Variants in FBXL17 observed in about 807,000 individuals in gnomAD.
FBXL17 encodes the protein F-box and leucine rich repeat protein 17.
In FBXL17, 22 loss-of-function variants were observed where a neutral mutation model predicts 66.2. The observed-to-expected ratio is 0.33, with a 90% CI of 0.24 to 0.47. FBXL17 has a LOEUF of 0.47. Ranked by LOEUF, FBXL17 falls within the 20% of genes least tolerant of loss-of-function variation. The pLI is 1.00. For synonymous variants in FBXL17, 474 were observed against 400.5 expected (o/e 1.18, Z -2.19); for missense variants, 878 against 948.2 (o/e 0.93, Z 0.97).
chr5:107,893,008 C>T (rs982849807), intron 7 of FBXL17, among the ~76,000 whole-genome samples: 1 of 152,128 alleles, frequency 6.6e-6, no homozygotes, highest in African/African-American at 2.4e-5. Context: ...TCCCAGTTTG[C>T]TGTCTAATAT....
chr5:108,096,546 T>A (rs1162147755), intron 6 of FBXL17, among the ~76,000 whole-genome samples: 2 of 152,174 alleles, frequency 1.3e-5, no homozygotes, highest in Non-Finnish European at 2.9e-5. Flanking sequence ...AGAAGGAGAA[T>A]ATAGTCAAGC....
intron 7 of FBXL17, among the ~76,000 whole-genome samples, chr5:107,946,407 C>T (rs1751297920): frequency 6.9e-6 from 1 of 144,734 alleles, no homozygotes; most frequent in Non-Finnish European, 1.5e-5. Context: ...TGATCTGTTT[C>T]AGCCATCAGA....
At chr5:108,367,157 C>T (rs901040435) in intron 2 of FBXL17, among the ~76,000 whole-genome samples, 6 of 151,976 alleles carry the variant, frequency 3.9e-5, no homozygotes, top group Non-Finnish European at 7.4e-5. Context: ...TTCTTATTGA[C>T]ATTTTTACAT....
rs569765677 is a variant in FBXL17 at position 108,051,319 on chromosome 5, C to G, written c.1746-30318G>C. 5.8e-4 allele frequency among the ~76,000 whole-genome samples: 89 copies of G among 152,178 alleles called. 1 individual carries two copies. The highest frequency in any genetic ancestry group is 1.0e-3 in the Non-Finnish European group (68 of 68,030). Reference sequence around the variant, plus strand: ...ACTTCACACCCATATCCCTGATGAACATTGATACAAAAATCCTCAATAAAA... The same window carrying G: ...ACTTCACACCCATATCCCTGATGAAGATTGATACAAAAATCCTCAATAAAA... On this transcript the variant is annotated intron_variant, in intron 6 of 8. Transcript: ENST00000542267.
chr5:108,214,580 C>T (rs1754519858), intron 5 of FBXL17, among the ~76,000 whole-genome samples: 1 of 151,984 alleles, frequency 6.6e-6, no homozygotes, highest in African/African-American at 2.4e-5. Context: ...CCATATTGGC[C>T]ATGCTGGTCT....
intron 4 of FBXL17, among the ~76,000 whole-genome samples, chr5:108,258,231 C>G (rs1207875783): frequency 6.6e-6 from 1 of 152,110 alleles, no homozygotes; most frequent in Non-Finnish European, 1.5e-5. Flanking sequence ...GATGACATAG[C>G]AAGAAAGCAG....
intron 3 of FBXL17, among the ~76,000 whole-genome samples, chr5:108,362,001 A>G (rs1391663442): frequency 1.3e-5 from 2 of 152,044 alleles, no homozygotes; most frequent in African/African-American, 2.4e-5. Flanking sequence ...TTTCAGTTGC[A>G]TTTTTCTTGT....
At chr5:108,241,195 G>A (rs1381568413) in intron 4 of FBXL17, among the ~76,000 whole-genome samples, 2 of 152,178 alleles carry the variant, frequency 1.3e-5, no homozygotes, top group Non-Finnish European at 2.9e-5. Flanking sequence ...AGAGATACGT[G>A]ACCTTTCAAA....
intron 4 of FBXL17, among the ~76,000 whole-genome samples, chr5:108,289,682 G>C (rs1758034549): frequency 1.3e-5 from 2 of 152,104 alleles, no homozygotes; most frequent in African/African-American, 4.8e-5. Context: ...TTGAAGTTAG[G>C]CAGTCTGGGG....
chr5:107,914,332 A>G (rs553211087), intron 7 of FBXL17, among the ~76,000 whole-genome samples: 2 of 152,280 alleles, frequency 1.3e-5, no homozygotes, highest in South Asian at 4.2e-4. Flanking sequence ...GGAAATACCC[A>G]AATTATGAGT....
chr5:107,875,673 A>C (rs879368325), intron 8 of FBXL17, among the ~76,000 whole-genome samples: 16 of 152,246 alleles, frequency 1.1e-4, no homozygotes, highest in Admixed American at 9.8e-4. Flanking sequence ...CCATGTGAAA[A>C]CCACGATTTC....
intron 6 of FBXL17, among the ~76,000 whole-genome samples, chr5:108,175,214 T>C (rs912474372): frequency 2.6e-5 from 4 of 151,990 alleles, no homozygotes; most frequent in African/African-American, 9.7e-5. Context: ...GAGGTGCTGA[T>C]TGGAAGCAGG....
chr5:108,003,477 C>G (rs777842991), intron 7 of FBXL17, among the ~76,000 whole-genome samples: 3 of 152,084 alleles, frequency 2.0e-5, no homozygotes, highest in Non-Finnish European at 4.4e-5. Flanking sequence ...AAACCCAATT[C>G]ACTATGAATG....
chr5:108,291,301 T>C (rs563870862), intron 4 of FBXL17, among the ~76,000 whole-genome samples: 2 of 152,290 alleles, frequency 1.3e-5, no homozygotes, highest in Admixed American at 6.5e-5. Flanking sequence ...CCTAGCTGAG[T>C]TGGAGGCATG....
intron 1 of FBXL17, among the ~76,000 whole-genome samples, chr5:108,374,973 G>C (rs1047257648): frequency 6.6e-6 from 1 of 151,934 alleles, no homozygotes; most frequent in African/African-American, 2.4e-5. Flanking sequence ...AAACTAAGCA[G>C]AAACAAGGGG....
intron 8 of FBXL17, chr5:107,880,366 T>C (rs1490334013): frequency 2.0e-6 from 2 of 985,916 alleles, no homozygotes; most frequent in Non-Finnish European, 2.4e-6. Flanking sequence ...GGTGTCAGTA[T>C]AGATTTTTAT....
intron 8 of FBXL17, among the ~76,000 whole-genome samples, chr5:107,864,376 A>G (rs1748215189): frequency 6.6e-6 from 1 of 152,270 alleles, no homozygotes; most frequent in Non-Finnish European, 1.5e-5. Flanking sequence ...AATAACTTTT[A>G]GAATGTTCTC....
intron 6 of FBXL17, among the ~76,000 whole-genome samples, chr5:108,094,554 T>C (rs775078446): frequency 1.6e-4 from 25 of 152,144 alleles, no homozygotes; most frequent in Non-Finnish European, 2.9e-4. Context: ...TTCACTCTGC[T>C]CATTCACATG....
At chr5:107,996,426 T>C (rs1295856077) in intron 7 of FBXL17, among the ~76,000 whole-genome samples, 2 of 152,184 alleles carry the variant, frequency 1.3e-5, no homozygotes, top group African/African-American at 4.8e-5. Context: ...GTGAGTCTCA[T>C]GTCTCAGCCT....
Sources: gnomAD v4.1 joint callset for allele counts (sites outside exome capture counted in the v4.1 genomes callset) on GRCh38, gnomAD v4.1.1 for gene constraint, MANE v1.5 for transcripts, NCBI Gene and HGNC (gene_info 2026-07-23, HGNC 2026-07-21) for gene names.